Variants in LYST observed in about 807,000 individuals in gnomAD.
The protein encoded by LYST is lysosomal trafficking regulator, also known as lysosomal-trafficking regulator.
In LYST, 192 loss-of-function variants were observed where a neutral mutation model predicts 413.6. That is an observed-to-expected ratio of 0.46 (90% confidence interval 0.41 to 0.52). The LOEUF (loss-of-function observed/expected upper bound fraction) is 0.52. Ranked by LOEUF, LYST falls within the 20% of genes least tolerant of loss-of-function variation. LYST has a pLI of 0.00. For missense variants in LYST, 3,815 were observed against 4,499.9 expected (o/e 0.85, Z 4.35); for synonymous variants, 1,525 against 1,567.3 (o/e 0.97, Z 0.64).
chr1:235,879,506 G>A (rs2103244605), intron 1 of LYST, among the ~76,000 whole-genome samples: 1 of 152,314 alleles, frequency 6.6e-6, no homozygotes, highest in South Asian at 2.1e-4. Flanking sequence ...ATGTGTGGAG[G>A]ACACTGTTTG....
At position 235,715,131 on chromosome 1, in the gene LYST, A is replaced by AGTT. The variant is rs3831362; in HGVS notation, c.9784+67_9784+69dup. The AGTT allele has an allele frequency of 0.11, 134,473 of 1,175,726 alleles. 7,777 individuals are homozygous for AGTT. The highest frequency in any genetic ancestry group is 0.19 in the South Asian group (15,406 of 80,818). 72.8% of individuals were successfully genotyped at this position (1,175,726 alleles called of 1,614,324 possible). On this transcript the variant is annotated intron_variant, in intron 42 of 52. Coordinates refer to ENST00000389793, the MANE Select transcript of LYST (RefSeq NM_000081.4). ...AATAGTTCTTAAAATGTCAGTCCTAAGTTGTTGTTGTTGTTGTTGTTGTTT... is the reference window on the plus strand; with the variant it reads ...AATAGTTCTTAAAATGTCAGTCCTAAGTTGTTGTTGTTGTTGTTGTTGTTGTTT...
chr1:235,870,707 T>C (rs552251706), upstream of LYST, among the ~76,000 whole-genome samples: 10 of 152,358 alleles, frequency 6.6e-5, no homozygotes, highest in East Asian at 1.7e-3. Flanking sequence ...CTGTTTAGAC[T>C]ATGGGCTCCA....
At chr1:235,769,158 G>T (rs888611002) in intron 20 of LYST, among the ~76,000 whole-genome samples, 4 of 152,090 alleles carry the variant, frequency 2.6e-5, no homozygotes, top group Non-Finnish European at 5.9e-5. Flanking sequence ...AAAGGGCAGG[G>T]AAGGTATCTC....
chr1:235,864,946 G>A (rs1384257885), intron 1 of LYST, among the ~76,000 whole-genome samples: 1 of 152,114 alleles, frequency 6.6e-6, no homozygotes, highest in African/African-American at 2.4e-5. Flanking sequence ...AAAATAAAAG[G>A]TAAGGTTCTT....
At chr1:235,787,451 T>A in intron 13 of LYST, 78 bp from the exon 14 acceptor site, 3 of 1,108,300 alleles carry the variant, frequency 2.7e-6, no homozygotes, top group Non-Finnish European at 4.1e-6. Flanking sequence ...ATAGTAACTA[T>A]AATTCTAAAT....
At chr1:235,744,885 C>T (rs149945984) in intron 29 of LYST, among the ~76,000 whole-genome samples, 2 of 126,240 alleles carry the variant, frequency 1.6e-5, no homozygotes, top group African/African-American at 7.2e-5. Flanking sequence ...AGAGTGAGAA[C>T]CCATCTCAAA....
chr1:235,781,072 TAA>T lies in LYST; in HGVS notation c.5024-19_5024-18del, dbSNP rs749095304. The T allele has an allele frequency of 6.4e-7, 1 of 1,551,664 alleles. No individual in the cohort carries two copies. The highest frequency in any genetic ancestry group is 8.9e-7 in the Non-Finnish European group (1 of 1,126,076). ...CCTTAGCTCCTGAATAGCAGAAAAA[TAA>T]AGTTAGTTATTTAAAACACCCTAAC... On this transcript the variant is annotated intron_variant, in intron 15 of 52. Coordinates refer to ENST00000389793, the MANE Select transcript of LYST (RefSeq NM_000081.4).
intron 46 of LYST, among the ~76,000 whole-genome samples, chr1:235,693,697 TGTG>T (rs2103076249): frequency 1.3e-5 from 2 of 152,330 alleles, no homozygotes; most frequent in Admixed American, 1.3e-4. Flanking sequence ...TTTTTTCACT[TGTG>T]TTGTTTTGAC....
At chr1:235,810,565 A>G (rs191996235) in intron 4 of LYST, 31 bp from the exon 5 acceptor site, 4 of 1,588,108 alleles carry the variant, frequency 2.5e-6, no homozygotes, top group East Asian at 2.2e-5. Flanking sequence ...GGCTTAGAAT[A>G]CCTCAATATG....
At chr1:235,717,442 G>A (rs935582473) in intron 40 of LYST, among the ~76,000 whole-genome samples, 3 of 152,186 alleles carry the variant, frequency 2.0e-5, no homozygotes, top group South Asian at 2.1e-4. Context: ...CTTGAAGCAG[G>A]AGAATGAATT....
intron 1 of LYST, among the ~76,000 whole-genome samples, chr1:235,843,572 TGACA>T (rs984800431): frequency 6.6e-6 from 1 of 152,118 alleles, no homozygotes; most frequent in Non-Finnish European, 1.5e-5. Context: ...GCACACCTTA[TGACA>T]GACAGTGCCA....
chr1:235,691,566 AT>A (rs1660653830), intron 47 of LYST, among the ~76,000 whole-genome samples: 1 of 152,200 alleles, frequency 6.6e-6, no homozygotes, highest in African/African-American at 2.4e-5. Context: ...TTCAAACACT[AT>A]GCCCTTCACT....
At chr1:235,685,328 C>T (rs1271276673) in intron 48 of LYST, among the ~76,000 whole-genome samples, 2 of 152,140 alleles carry the variant, frequency 1.3e-5, no homozygotes, top group Non-Finnish European at 2.9e-5. Flanking sequence ...CGGTGGCCTT[C>T]TCGTTGGTGT....
intron 48 of LYST, among the ~76,000 whole-genome samples, chr1:235,685,505 T>C (rs1027758850): frequency 6.6e-5 from 10 of 152,054 alleles, no homozygotes; most frequent in Admixed American, 5.2e-4. Flanking sequence ...TCAGTGACCA[T>C]GCAAAGAAAC....
rs1660273134 is a variant in LYST at position 235,687,063 on chromosome 1, A to C, written c.10702-16T>G. On this transcript the variant is annotated splice_polypyrimidine_tract_variant and intron_variant, in intron 47 of 52. Coordinates refer to ENST00000389793, the MANE Select transcript of LYST (RefSeq NM_000081.4). Reference sequence around the variant, plus strand: ...AACTAGTCACCTTTGAAAAAGGACCAATCAAAGATTATCATGTTTTAAAAG... The same window carrying C: ...AACTAGTCACCTTTGAAAAAGGACCCATCAAAGATTATCATGTTTTAAAAG... The C allele has an allele frequency of 6.6e-7, 1 of 1,522,748 alleles. No homozygotes were observed. The allele number at this position is 1,522,748 out of a possible 1,614,324, so 94.3% of individuals were successfully genotyped here.
At position 235,805,962 on chromosome 1, in the gene LYST, A is replaced by G. The variant is rs1401672447; in HGVS notation, c.3174T>C (p.Ser1058=). Residue 1058 remains serine, a synonymous_variant, in exon 6 of 53, where the codon AGT becomes AGC. Coordinates refer to ENST00000389793, the MANE Select transcript of LYST (RefSeq NM_000081.4). ...IPSELGSLKK[S]ADSLGKLELQ... The stretch of plus-strand genomic sequence containing the variant: ...ACTCTAATTTACCTAAACTGTCAGC[A>G]CTCTTTTTTAGACTACCTAGTTCTG... 1 of 1,613,626 alleles carries G rather than the reference A, an allele frequency of 6.2e-7. No homozygotes were observed.
At chr1:235,782,487 C>T (rs1489507295) in intron 14 of LYST, among the ~76,000 whole-genome samples, 2 of 152,022 alleles carry the variant, frequency 1.3e-5, no homozygotes, top group Non-Finnish European at 2.9e-5. Context: ...ATGGGGAATT[C>T]TTGAACAATT....
At chr1:235,856,327 T>A (rs1012459812) in intron 1 of LYST, among the ~76,000 whole-genome samples, 1 of 152,200 alleles carries the variant, frequency 6.6e-6, no homozygotes, top group Admixed American at 6.5e-5. Context: ...GTTGGTAGTA[T>A]AACAGAAAGA....
At chr1:235,729,111 TC>T (rs1251502131) in intron 37 of LYST, among the ~76,000 whole-genome samples, 1 of 152,184 alleles carries the variant, frequency 6.6e-6, no homozygotes, top group East Asian at 1.9e-4. Flanking sequence ...TTGTTTTCCT[TC>T]ATATTTTGAG....
Sources: allele counts gnomAD v4.1 joint callset (sites outside exome capture counted in the v4.1 genomes callset), GRCh38; gene constraint gnomAD v4.1.1; transcripts MANE v1.5; gene names NCBI Gene and HGNC (gene_info 2026-07-23, HGNC 2026-07-21).